The following MAPK7 variants were observed in gnomAD, a reference collection of about 807,000 sequenced individuals.
The protein encoded by MAPK7 is mitogen-activated protein kinase 7.
A neutral mutation model predicts 56.9 loss-of-function variants in MAPK7; 30 were observed. The ratio of observed to expected loss-of-function variants is 0.53; its 90% CI spans 0.39 to 0.72. The LOEUF (loss-of-function observed/expected upper bound fraction) is 0.72, where lower values mean the gene tolerates loss of function less well. Among genes scored for constraint, MAPK7 ranks in the 30% least tolerant of loss-of-function variants. The pLI is 0.00. For missense variants in MAPK7, 952 were observed against 1,110.8 expected, an observed-to-expected ratio of 0.86 and a Z score of 2.03; for synonymous variants, 516 against 449.3, an observed-to-expected ratio of 1.15 and a Z score of -1.88.
At position 19,381,165 on chromosome 17, in the gene MAPK7, A is replaced by T. The variant is rs1430830787; in HGVS notation, c.956A>T (p.Gln319Leu). 1 of 1,613,972 alleles carries T rather than the reference A, an allele frequency of 6.2e-7. No homozygotes were observed. Among genetic ancestry groups the T allele is most frequent in the African/African-American group, 1.3e-5 (1 of 74,936 alleles). ...ACAGTGTACCCAGGTGCCGACCGCCAGGCCCTATCACTGCTGGGTCGCATG... is the reference window on the plus strand; with the variant it reads ...ACAGTGTACCCAGGTGCCGACCGCCTGGCCCTATCACTGCTGGGTCGCATG... ...WETVYPGADR[Q>L]ALSLLGRMLR... is the part of the protein sequence containing the mutation. The change falls in exon 4 of 7, where the codon CAG (glutamine) becomes CTG (leucine). Residue 319 changes from glutamine (Q) to leucine (L), a missense_variant. Physicochemically the swap from Gln to Leu is moderately radical, Grantham distance 113. Around this residue, in one of 5 missense-constraint regions of MAPK7, gnomAD observed 429 missense variants for 533.0 expected, o/e 0.80. Transcript: ENST00000395604. This position sits in a 1 kb window ranked among gnomAD's most constrained non-coding sequence, Gnocchi z 4.6.
intron 3 of MAPK7, chr17:19,380,210 T>G (rs1182969258): frequency 1.9e-6 from 1 of 530,764 alleles, no homozygotes; most frequent in East Asian, 3.3e-5. Flanking sequence ...CACCCTCCTA[T>G]TCCCATAGCA....
Position 19,379,806 on chromosome 17 carries a change from T to A in MAPK7, c.257T>A (p.Ile86Asn). 6.2e-7 allele frequency: 1 copy of A among 1,614,156 alleles called. No homozygotes were observed. The highest frequency in any genetic ancestry group is 8.5e-7 in the Non-Finnish European group (1 of 1,180,026). The part of the protein sequence containing the change: ...LTGQQVAIKK[I>N]PNAFDVVTNA... Reference sequence around the variant, plus strand: ...GGCCAGCAGGTGGCCATCAAGAAGATCCCTAATGCTTTCGATGTGGTGACC... The same window carrying A: ...GGCCAGCAGGTGGCCATCAAGAAGAACCCTAATGCTTTCGATGTGGTGACC... The change falls in exon 3 of 7, where the codon ATC (isoleucine) becomes AAC (asparagine). Residue 86 changes from isoleucine (I) to asparagine (N), a missense_variant. Physicochemically the swap from Ile to Asn is moderately radical, Grantham distance 149. Around this residue, in one of 5 missense-constraint regions of MAPK7, gnomAD observed 213 missense variants for 243.2 expected, o/e 0.88. Coordinates refer to ENST00000395604, the MANE Select transcript of MAPK7 (RefSeq NM_002749.4).
In MAPK7 at chr17:19,380,684, G is replaced by A. The variant is rs755374629; in HGVS notation, c.475G>A (p.Val159Met). ...HSSQPLTLEH[V>M]RYFLYQLLRG... Reference sequence around the variant, plus strand: ...CTCACAGCCCCTCACACTGGAACACGTGCGCTACTTCCTGTACCAACTGCT... The same window carrying A: ...CTCACAGCCCCTCACACTGGAACACATGCGCTACTTCCTGTACCAACTGCT... The change falls in exon 4 of 7, where the codon GTG becomes ATG. Residue 159 changes from valine (V) to methionine (M), a missense_variant. Physicochemically the swap from Val to Met is conservative, Grantham distance 21 (BLOSUM62 1). This residue lies in a region of MAPK7 where 213 missense variants were observed against 243.2 expected (regional missense o/e 0.88). Coordinates refer to ENST00000395604, the MANE Select transcript of MAPK7 (RefSeq NM_002749.4). 4.2e-5 allele frequency: 68 copies of A among 1,613,954 alleles called. No homozygotes were observed. Among genetic ancestry groups the A allele is most frequent in the Non-Finnish European group, 5.3e-5 (63 of 1,179,986 alleles).
At chr17:19,378,021 C>T, upstream of MAPK7, 1 of 985,384 alleles carries the variant, frequency 1.0e-6, no homozygotes, top group Non-Finnish European at 1.2e-6. The surrounding 1 kb of genome is among the most constrained non-coding windows in gnomAD (Gnocchi z 5.4). Context: ...GGGGATGACA[C>T]ATTCCCAGAG....
rs1912778102 is a variant in MAPK7 at position 19,382,300 on chromosome 17, C to T, written c.1997C>T (p.Ala666Val). The change falls in exon 5 of 7, where the codon GCC becomes GTC. Residue 666 changes from alanine (A) to valine (V), a missense_variant. This residue lies in a region of MAPK7 where 234 missense variants were observed against 210.4 expected (regional missense o/e 1.11). Coordinates refer to ENST00000395604, the MANE Select transcript of MAPK7 (RefSeq NM_002749.4). ...QIATSTSLLA[A>V]QSLVPPPGLP... ...GCCACCTCCACCAGCCTCCTGGCTG[C>T]CCAGTCACTTGTGCCACCCCCTGGG... 2 of 1,613,186 alleles carry T rather than the reference C, an allele frequency of 1.2e-6. No individual in the cohort carries two copies. Among genetic ancestry groups the T allele is most frequent in the Non-Finnish European group, 8.5e-7 (1 of 1,179,980 alleles).
rs762496317 is a variant in MAPK7 at position 19,382,210 on chromosome 17, C to G, written c.1907C>G (p.Pro636Arg). The change falls in exon 5 of 7, where the codon CCT becomes CGT. Residue 636 changes from proline (P) to arginine (R), a missense_variant. Around this residue, in one of 5 missense-constraint regions of MAPK7, gnomAD observed 234 missense variants for 210.4 expected, o/e 1.11. Transcript: ENST00000395604. ...GTACCCCAGCCTGCCTGCCCACCCC[C>G]TGGCCCTGCACCCCACCCCACTGGC... ...GPVPQPACPP[P>R]GPAPHPTGPP... 4 of 1,611,832 alleles carry G rather than the reference C, an allele frequency of 2.5e-6. No homozygotes were observed. Among genetic ancestry groups the G allele is most frequent in the African/African-American group, 1.3e-5 (1 of 74,964 alleles).
intron 5 of MAPK7, 125 bp from the exon 6 acceptor site, chr17:19,382,688 C>A: frequency 7.0e-7 from 1 of 1,436,110 alleles, no homozygotes; most frequent in Non-Finnish European, 9.4e-7. Flanking sequence ...GGCCAGCCAG[C>A]ACTCACTGAC....
Position 19,379,808 on chromosome 17 carries a change from C to G in MAPK7, c.259C>G (p.Pro87Ala). 1 of 1,614,168 alleles carries G rather than the reference C, an allele frequency of 6.2e-7. No homozygotes were observed. Among genetic ancestry groups the G allele is most frequent in the Non-Finnish European group, 8.5e-7 (1 of 1,180,032 alleles). Residue 87 changes from proline to alanine, a missense_variant, in exon 3 of 7, where the codon CCT becomes GCT. Pro to Ala is a conservative substitution (Grantham distance 27). Transcript: ENST00000395604. Reference protein sequence around the residue: ...TGQQVAIKKIPNAFDVVTNAK... With the variant: ...TGQQVAIKKIANAFDVVTNAK... The stretch of plus-strand genomic sequence containing the variant: ...CCAGCAGGTGGCCATCAAGAAGATC[C>G]CTAATGCTTTCGATGTGGTGACCAA...
rs766550917 is a variant in MAPK7 at position 19,381,364 on chromosome 17, TGAG to T, written c.1158_1160del (p.Glu386del). The T allele has an allele frequency of 5.6e-6, 9 of 1,614,020 alleles. No individual in the cohort carries two copies. Among genetic ancestry groups the T allele is most frequent in the Non-Finnish European group, 6.8e-6 (8 of 1,180,046 alleles). On this transcript the variant is annotated inframe_deletion, in exon 4 of 7. Transcript: ENST00000395604. This position sits in a 1 kb window ranked among gnomAD's most constrained non-coding sequence, Gnocchi z 4.6. ...TTAAGGAGGCCATTGTGGCTGAAAT[TGAG>T]GACTTCCATGCAAGGCGTGAGGGCA...
At position 19,383,203 on chromosome 17, in the gene MAPK7, C is replaced by G. The variant is rs138168947; in HGVS notation, c.2423C>G (p.Ala808Gly). ...EIQMDSPMLL[A>G]DLPDLQDP ...CAGATGGACTCCCCAATGCTGCTGG[C>G]TGACCTGCCTGACCTCCAGGACCCC... is the stretch of plus-strand genomic sequence containing the variant. Residue 808 changes from alanine to glycine, a missense_variant, in exon 7 of 7, where the codon GCT becomes GGT. Ala to Gly is a moderately conservative substitution (Grantham distance 60). Around this residue, in one of 5 missense-constraint regions of MAPK7, gnomAD observed 73 missense variants for 104.6 expected, o/e 0.70. Transcript: ENST00000395604. The G allele has an allele frequency of 6.2e-7, 1 of 1,614,122 alleles. No individual in the cohort carries two copies. The highest frequency in any genetic ancestry group is 1.3e-5 in the African/African-American group (1 of 75,044).
chr17:19,382,320 C>G lies in MAPK7; in HGVS notation c.2017C>G (p.Pro673Ala), dbSNP rs755118879. Residue 673 changes from proline (P) to alanine (A), a missense_variant, in exon 5 of 7, where the codon CCT becomes GCT. Transcript: ENST00000395604. ...GGCTGCCCAGTCACTTGTGCCACCCCCTGGGCTGCCTGGCTCCAGCACCCC... is the reference window on the plus strand; with the variant it reads ...GGCTGCCCAGTCACTTGTGCCACCCGCTGGGCTGCCTGGCTCCAGCACCCC... Reference protein sequence around the residue: ...LLAAQSLVPPPGLPGSSTPGV... With the variant: ...LLAAQSLVPPAGLPGSSTPGV... 1.2e-6 allele frequency: 2 copies of G among 1,613,346 alleles called. No individual in the cohort carries two copies.
intron 3 of MAPK7, 25 bp from the exon 4 acceptor site, chr17:19,380,583 C>T (rs1912563696): frequency 6.4e-7 from 1 of 1,568,718 alleles, no homozygotes; most frequent in Non-Finnish European, 8.7e-7. Flanking sequence ...CCAACCCATG[C>T]TTCTCTCCTT....
rs1437677714 is a variant in MAPK7 at position 19,378,950 on chromosome 17, C to T, written c.50C>T (p.Pro17Leu). ...EEDGEDGSAEPPGPVKAEPAH... is the reference protein window; with the variant it reads ...EEDGEDGSAELPGPVKAEPAH... Reference sequence around the variant, plus strand: ...GACGGCGAGGACGGCTCTGCGGAGCCCCCCGGGCCCGTGAAGGCCGAACCC... The same window carrying T: ...GACGGCGAGGACGGCTCTGCGGAGCTCCCCGGGCCCGTGAAGGCCGAACCC... The change falls in exon 2 of 7, where the codon CCC becomes CTC. Residue 17 changes from proline to leucine, a missense_variant. Pro to Leu is a moderately conservative substitution (Grantham distance 98, BLOSUM62 -3). This residue lies in a region of MAPK7 where 213 missense variants were observed against 243.2 expected (regional missense o/e 0.88). Coordinates refer to ENST00000395604, the MANE Select transcript of MAPK7 (RefSeq NM_002749.4). This position sits in a 1 kb window ranked among gnomAD's most constrained non-coding sequence, Gnocchi z 5.4. 7 of 1,599,002 alleles carry T rather than the reference C, an allele frequency of 4.4e-6. No individual in the cohort carries two copies. The highest frequency in any genetic ancestry group is 6.0e-6 in the Non-Finnish European group (7 of 1,172,742).
rs1349807173 is a variant in MAPK7, at chr17:19,378,858, C to A, written c.-5-38C>A. 1 of 1,494,934 alleles carries A rather than the reference C, an allele frequency of 6.7e-7. No homozygotes were observed. Among genetic ancestry groups the A allele is most frequent in the Admixed American group, 2.0e-5 (1 of 49,412 alleles). The allele number at this position is 1,494,934 out of a possible 1,614,324, so 92.6% of individuals were successfully genotyped here. A position where few individuals can be genotyped will look rare whatever the true frequency, so the allele number is the denominator to read the frequency against. On this transcript the variant is annotated intron_variant, in intron 1 of 6. Transcript: ENST00000395604. The surrounding 1 kb of genome is among the most constrained non-coding windows in gnomAD (Gnocchi z 5.4). ...CCCGCAGAGGGGACACTGAGGCCCA[C>A]GGTAGGTGGTCCTCTCCTCACCCGA...
chr17:19,379,318 G>A (rs1912422845), intron 2 of MAPK7, 186 bp downstream of exon 2: 1 of 618,752 alleles, frequency 1.6e-6, no homozygotes, highest in African/African-American at 1.8e-5. Flanking sequence ...CGGCCTGGTG[G>A]TTTTGCCATC....
At chr17:19,379,520 G>A (rs542308698) in intron 2 of MAPK7, 6 of 563,990 alleles carry the variant, frequency 1.1e-5, no homozygotes, top group South Asian at 2.2e-5. Flanking sequence ...CTGGGCATCC[G>A]TGCAACCTCC....
In MAPK7 at chr17:19,378,986, C is replaced by G. The variant is rs1235673576; in HGVS notation, c.86C>G (p.Ala29Gly). Reference protein sequence around the residue: ...GPVKAEPAHTAASVAAKNLAL... With the variant: ...GPVKAEPAHTGASVAAKNLAL... The stretch of plus-strand genomic sequence containing the variant: ...GTGAAGGCCGAACCCGCCCACACCG[C>G]TGCCTCTGTAGCGGCCAAGAACCTG... Residue 29 changes from alanine to glycine, a missense_variant, in exon 2 of 7, where the codon GCT (alanine) becomes GGT (glycine). This residue lies in a region of MAPK7 where 213 missense variants were observed against 243.2 expected (regional missense o/e 0.88). Transcript: ENST00000395604. The surrounding 1 kb of genome is among the most constrained non-coding windows in gnomAD (Gnocchi z 5.4). 7.4e-6 allele frequency: 12 copies of G among 1,611,170 alleles called. No homozygotes were observed. Among genetic ancestry groups the G allele is most frequent in the Non-Finnish European group, 1.0e-5 (12 of 1,178,872 alleles).
chr17:19,380,907 T>C lies in MAPK7; in HGVS notation c.698T>C (p.Met233Thr). The change falls in exon 4 of 7, where the codon ATG (methionine) becomes ACG (threonine). Residue 233 changes from methionine (M) to threonine (T), a missense_variant. Met to Thr is a moderately conservative substitution (Grantham distance 81, BLOSUM62 -1). Around this residue, in one of 5 missense-constraint regions of MAPK7, gnomAD observed 429 missense variants for 533.0 expected, o/e 0.80. Transcript: ENST00000395604. ...ATRWYRAPEL[M>T]LSLHEYTQAI... ...CGCTGGTACCGTGCGCCCGAGCTCA[T>C]GCTCTCTTTGCATGAGTATACACAG... The C allele has an allele frequency of 6.2e-7, 1 of 1,614,220 alleles. No homozygotes were observed. The highest frequency in any genetic ancestry group is 8.5e-7 in the Non-Finnish European group (1 of 1,180,038).
rs138583598 is a variant in MAPK7, at chr17:19,382,743, T to C, written c.2164-70T>C. On this transcript the variant is annotated intron_variant, in intron 5 of 6. Coordinates refer to ENST00000395604, the MANE Select transcript of MAPK7 (RefSeq NM_002749.4). ...ACTCCCAGATATCCAGGCGGAGTAG[T>C]CAGCAGCATTGGGACAGGGTGGCCT... 1.4e-4 allele frequency: 215 copies of C among 1,573,232 alleles called. No individual in the cohort carries two copies. In the African/African-American group the frequency reaches 2.5e-3, roughly 18 times the overall value.
Sources: gnomAD v4.1 joint callset for allele counts on GRCh38, gnomAD v4.1.1 for gene constraint, gnomAD v4.1.1 regional missense constraint, Gnocchi (gnomAD v3.1) non-coding constraint, MANE v1.5 for transcripts, NCBI Gene and HGNC (gene_info 2026-07-23, HGNC 2026-07-21) for gene names.